The following DPYSL3 variants were observed in gnomAD, a reference collection of about 807,000 sequenced individuals.
DPYSL3 encodes dihydropyrimidinase like 3, also known as dihydropyrimidinase-related protein 3.
In DPYSL3, 16 loss-of-function variants were observed where a neutral mutation model predicts 66.1. The ratio of observed to expected loss-of-function variants is 0.24; its 90% confidence interval spans 0.16 to 0.37. The LOEUF (loss-of-function observed/expected upper bound fraction) is 0.37, where lower values mean the gene tolerates loss of function less well. DPYSL3 is among the 10% of genes least tolerant of loss of function. DPYSL3 has a pLI of 1.00. For synonymous variants in DPYSL3, 338 were observed against 345.1 expected (o/e 0.98, Z 0.23); for missense variants, 738 against 916.2 (o/e 0.81, Z 2.51).
chr5:147,442,808 A>G (rs762518520), intron 1 of DPYSL3, among the ~76,000 whole-genome samples: 5 of 151,486 alleles, frequency 3.3e-5, no homozygotes, highest in African/African-American at 2.4e-5. Context: ...AGCGTAAACA[A>G]TATGTGGAAT....
intron 1 of DPYSL3, among the ~76,000 whole-genome samples, chr5:147,492,250 A>G (rs146764391): frequency 4.9e-4 from 75 of 152,302 alleles, no homozygotes; most frequent in Non-Finnish European, 8.7e-4. Context: ...ATTTGTTTCC[A>G]GTAGAGTGGC....
At chr5:147,410,056 C>T (rs1751817562) in intron 6 of DPYSL3, among the ~76,000 whole-genome samples, 1 of 152,158 alleles carries the variant, frequency 6.6e-6, no homozygotes, top group South Asian at 2.1e-4. Flanking sequence ...CTCCACTTTT[C>T]ATTCTTACCA....
At chr5:147,493,917 G>T (rs1343170323) in intron 1 of DPYSL3, among the ~76,000 whole-genome samples, 3 of 152,164 alleles carry the variant, frequency 2.0e-5, no homozygotes, top group Admixed American at 6.5e-5. Context: ...AACTGGCCAG[G>T]CGCAGTGGCT....
chr5:147,435,994 G>A (rs946084870), intron 1 of DPYSL3, among the ~76,000 whole-genome samples: 3 of 152,156 alleles, frequency 2.0e-5, no homozygotes, highest in African/African-American at 4.8e-5. Context: ...GGCAGGAGCC[G>A]TAACCTTCAG....
chr5:147,435,796 G>C (rs1171202322), intron 1 of DPYSL3, among the ~76,000 whole-genome samples: 1 of 152,176 alleles, frequency 6.6e-6, no homozygotes, highest in Non-Finnish European at 1.5e-5. Flanking sequence ...AAATTATTAA[G>C]AAGTTATTAA....
intron 7 of DPYSL3, among the ~76,000 whole-genome samples, chr5:147,408,118 C>G (rs1247317791): frequency 6.6e-6 from 1 of 152,112 alleles, no homozygotes; most frequent in Non-Finnish European, 1.5e-5. Context: ...AGGTGCTAGA[C>G]CCAGGCTGCC....
Position 147,418,523 on chromosome 5 carries a change from T to G in DPYSL3, c.579A>C (p.Pro193=). Residue 193 remains proline (P), a synonymous_variant, in exon 3 of 14, where the codon CCA becomes CCC. Transcript: ENST00000343218. ...CATCTACTGTGGTCATTCCCTTATA[T>G]GGCATCTGGAAGTGAGTATGGACAT... ...GIDVHTHFQM[P]YKGMTTVDDF... is the part of the protein sequence containing the mutation. 1 of 1,613,872 alleles carries G rather than the reference T, an allele frequency of 6.2e-7. No individual in the cohort carries two copies. Among genetic ancestry groups the G allele is most frequent in the Non-Finnish European group, 8.5e-7 (1 of 1,179,872 alleles).
chr5:147,450,311 C>G (rs974184827), intron 1 of DPYSL3, among the ~76,000 whole-genome samples: 1 of 152,152 alleles, frequency 6.6e-6, no homozygotes, highest in Non-Finnish European at 1.5e-5. Context: ...AAAATAAACA[C>G]TCAACAGGTA....
intron 1 of DPYSL3, among the ~76,000 whole-genome samples, chr5:147,482,293 T>A (rs1007460717): frequency 6.6e-6 from 1 of 152,228 alleles, no homozygotes. Context: ...ATCTATAGAT[T>A]TGAGGAAATC....
chr5:147,495,948 C>T (rs948325714), intron 1 of DPYSL3, among the ~76,000 whole-genome samples: 10 of 152,090 alleles, frequency 6.6e-5, no homozygotes, highest in African/African-American at 1.7e-4. Context: ...CAAGTCAATC[C>T]GAAGACAAAA....
In DPYSL3 at chr5:147,509,404, G is replaced by C; in HGVS notation, c.381+74C>G. On this transcript the variant is annotated intron_variant, in intron 1 of 13. Transcript: ENST00000343218. This position sits in a 1 kb window ranked among gnomAD's most constrained non-coding sequence, Gnocchi z 5.3. ...CGTGCAAAGTGAGCTGGAGAAAGTT[G>C]TGCCCGGGCCATGGCGGCCAGGGCT... is the stretch of plus-strand genomic sequence containing the variant. The C allele has an allele frequency of 7.0e-7, 1 of 1,437,592 alleles. No homozygotes were observed. The highest frequency in any genetic ancestry group is 1.5e-5 in the South Asian group (1 of 68,600). 89.1% of individuals were successfully genotyped at this position (1,437,592 alleles called of 1,614,324 possible).
At chr5:147,399,315 T>C (rs1758100867) in intron 10 of DPYSL3, 63 bp from the exon 11 acceptor site, 1 of 1,521,234 alleles carries the variant, frequency 6.6e-7, no homozygotes, top group Non-Finnish European at 8.8e-7. Context: ...TCAGGGCTTC[T>C]GAACTCAGAG....
At chr5:147,487,326 A>G (rs1015554772) in intron 1 of DPYSL3, among the ~76,000 whole-genome samples, 1 of 152,126 alleles carries the variant, frequency 6.6e-6, no homozygotes, top group African/African-American at 2.4e-5. Flanking sequence ...TCAGATATGT[A>G]TTTAATTTTA....
At chr5:147,497,276 G>C (rs930395028) in intron 1 of DPYSL3, among the ~76,000 whole-genome samples, 9 of 151,712 alleles carry the variant, frequency 5.9e-5, no homozygotes, top group Non-Finnish European at 8.8e-5. Context: ...GGAAGGGGTA[G>C]CATTAGGAGA....
chr5:147,397,655 A>G lies in DPYSL3; in HGVS notation c.1803+11T>C, dbSNP rs543838816. 133 of 1,611,302 alleles carry G rather than the reference A, an allele frequency of 8.3e-5. No homozygotes were observed. The highest frequency in any genetic ancestry group is 2.1e-4 in the African/African-American group (16 of 74,992). On this transcript the variant is annotated intron_variant, in intron 12 of 13. Transcript: ENST00000343218. ...GCTCCTGCACCACCTCAGAGCTCCA[A>G]TGCTTTTTACCTTCCTCCGTGCTTT...
chr5:147,445,630 A>T (rs1752616686), intron 1 of DPYSL3, among the ~76,000 whole-genome samples: 1 of 152,160 alleles, frequency 6.6e-6, no homozygotes, highest in South Asian at 2.1e-4. Flanking sequence ...TTGGGGGTAG[A>T]TTATTTCCAT....
intron 1 of DPYSL3, among the ~76,000 whole-genome samples, chr5:147,436,190 C>CA (rs1752412587): frequency 6.6e-6 from 1 of 152,144 alleles, no homozygotes; most frequent in Non-Finnish European, 1.5e-5. Context: ...GCAGGGTAGA[C>CA]AAAGGTGGAG....
chr5:147,461,581 A>G (rs1226009521), intron 1 of DPYSL3, among the ~76,000 whole-genome samples: 1 of 152,166 alleles, frequency 6.6e-6, no homozygotes, highest in East Asian at 1.9e-4. Context: ...CACCCCAGAC[A>G]ACGATGCTGC....
At chr5:147,453,368 G>T (rs141149651) in intron 1 of DPYSL3, among the ~76,000 whole-genome samples, 16 of 152,136 alleles carry the variant, frequency 1.1e-4, no homozygotes. Context: ...AAACCCCAGG[G>T]TCGCTCAGTC....
Sources: allele counts gnomAD v4.1 joint callset (sites outside exome capture counted in the v4.1 genomes callset), GRCh38; gene constraint gnomAD v4.1.1; non-coding constraint Gnocchi (gnomAD v3.1); transcripts MANE v1.5; gene names NCBI Gene and HGNC (gene_info 2026-07-23, HGNC 2026-07-21).